Variants in SIPA1L3 observed in about 807,000 individuals in gnomAD.
SIPA1L3 encodes signal induced proliferation associated 1 like 3.
In SIPA1L3, 59 loss-of-function variants were observed where a neutral mutation model predicts 150.1. The observed-to-expected ratio is 0.39, with a 90% CI of 0.32 to 0.49. The LOEUF is 0.49. SIPA1L3 is among the 20% of genes least tolerant of loss of function. SIPA1L3 has a pLI of 0.86. For missense variants in SIPA1L3, 2,211 were observed against 2,489.5 expected, an observed-to-expected ratio of 0.89 and a Z score of 2.38; for synonymous variants, 1,070 against 1,077.6, an observed-to-expected ratio of 0.99 and a Z score of 0.14.
chr19:38,052,710 C>G (rs1969224614), intron 2 of SIPA1L3, among the ~76,000 whole-genome samples: 1 of 152,264 alleles, frequency 6.6e-6, no homozygotes, highest in Non-Finnish European at 1.5e-5. Flanking sequence ...AGGTAAGTCC[C>G]TTGGTTGCCA....
intron 1 of SIPA1L3, among the ~76,000 whole-genome samples, chr19:38,014,667 G>A (rs982096290): frequency 9.3e-5 from 8 of 86,416 alleles, no homozygotes; most frequent in Admixed American, 4.3e-4. Flanking sequence ...ATCCTCCCCC[G>A]GCTAATTTTT....
At chr19:38,067,053 G>T (rs1237716019) in intron 2 of SIPA1L3, among the ~76,000 whole-genome samples, 3 of 150,480 alleles carry the variant, frequency 2.0e-5, no homozygotes, top group Non-Finnish European at 4.4e-5. Context: ...CCTGGGCAAC[G>T]TAGCAAGACC....
At position 38,101,197 on chromosome 19, in the gene SIPA1L3, C is replaced by T. The variant is rs147598199; in HGVS notation, c.2000C>T (p.Thr667Ile). ...IGEKVCLKGFTKYAAQLDVKT... is the reference protein window; with the variant it reads ...IGEKVCLKGFIKYAAQLDVKT... Reference sequence around the variant, plus strand: ...GAGAAGGTCTGCCTGAAGGGCTTCACCAAGTACGCTGCCCAGCTGGACGTC... The same window carrying T: ...GAGAAGGTCTGCCTGAAGGGCTTCATCAAGTACGCTGCCCAGCTGGACGTC... Residue 667 changes from threonine to isoleucine, a missense_variant, in exon 6 of 22, where the codon ACC becomes ATC. Transcript: ENST00000222345. 442 of 1,594,832 alleles carry T rather than the reference C, an allele frequency of 2.8e-4. No homozygotes were observed. Among genetic ancestry groups the T allele is most frequent in the Non-Finnish European group, 2.1e-4 (248 of 1,171,428 alleles).
chr19:38,180,927 G>A (rs1972541249), intron 15 of SIPA1L3, among the ~76,000 whole-genome samples: 2 of 152,140 alleles, frequency 1.3e-5, no homozygotes, highest in Non-Finnish European at 2.9e-5. Flanking sequence ...TCTTGGATGT[G>A]TAAGGTTTTC....
intron 16 of SIPA1L3, chr19:38,185,863 TG>T (rs1017485494): frequency 3.3e-5 from 5 of 152,222 alleles, no homozygotes; most frequent in Non-Finnish European, 5.9e-5. Context: ...TTGGAGATGC[TG>T]GGGCTTAGGA....
intron 1 of SIPA1L3, among the ~76,000 whole-genome samples, chr19:37,919,727 T>TTTTTTTG (rs1782832192): frequency 6.8e-6 from 1 of 146,962 alleles, no homozygotes; most frequent in African/African-American, 2.5e-5. Flanking sequence ...TTTTTTTTTT[T>TTTTTTTG]GAGACAGAGT....
At position 38,181,016 on chromosome 19, in the gene SIPA1L3, T is replaced by C. The variant is rs10403809; in HGVS notation, c.4209-1503T>C. Among the ~76,000 whole-genome samples the C allele has an allele frequency of 8.8e-3, 1,337 of 152,344 alleles. 18 individuals carry two copies. The highest frequency in any genetic ancestry group is 0.03 in the African/African-American group (1,251 of 41,582). On this transcript the variant is annotated intron_variant, in intron 15 of 21. Transcript: ENST00000222345. The stretch of plus-strand genomic sequence containing the variant: ...TTCTCTCCTCTCCTTCCAAAGTTCC[T>C]GATGCACATATGTTGGTACCCTTGA...
At chr19:38,016,697 T>C (rs2145691900) in intron 1 of SIPA1L3, among the ~76,000 whole-genome samples, 1 of 152,168 alleles carries the variant, frequency 6.6e-6, no homozygotes, top group African/African-American at 2.4e-5. Context: ...TTCACCATGT[T>C]GGCCAGGCTG....
intron 1 of SIPA1L3, among the ~76,000 whole-genome samples, chr19:37,981,664 G>A (rs578177963): frequency 3.3e-4 from 50 of 152,166 alleles, no homozygotes; most frequent in Middle Eastern, 3.4e-3. Context: ...TGGTAGCAGC[G>A]TCGCCATCAT....
At chr19:38,008,217 CTTTTTTTTT>C (rs35422339) in intron 1 of SIPA1L3, among the ~76,000 whole-genome samples, 1 of 50,124 alleles carries the variant, frequency 2.0e-5, no homozygotes, top group Non-Finnish European at 3.6e-5. Flanking sequence ...CCATAGGCTG[CTTTTTTTTT>C]TTTTTTTTTT....
intron 1 of SIPA1L3, among the ~76,000 whole-genome samples, chr19:38,000,260 A>T (rs191629699): frequency 2.3e-4 from 35 of 152,140 alleles, no homozygotes; most frequent in Admixed American, 2.0e-3. Flanking sequence ...TGAGGTCAGG[A>T]GTTTGACACC....
chr19:37,950,318 T>A (rs143776493), intron 1 of SIPA1L3, among the ~76,000 whole-genome samples: 165 of 152,242 alleles, frequency 1.1e-3, no homozygotes, highest in Middle Eastern at 6.8e-3. Flanking sequence ...TTAGTTTTCA[T>A]CATCATCGTT....
chr19:37,998,691 G>A (rs897587291), intron 1 of SIPA1L3, among the ~76,000 whole-genome samples: 30 of 152,138 alleles, frequency 2.0e-4, no homozygotes, highest in African/African-American at 7.2e-4. Flanking sequence ...AGGAGGCTGA[G>A]GCAGGAGGAT....
rs367786975 is a variant in SIPA1L3, at chr19:38,082,293, G to A, written c.728G>A (p.Arg243Gln). The change falls in exon 3 of 22, where the codon CGG becomes CAG. Residue 243 changes from arginine (R) to glutamine (Q), a missense_variant. Physicochemically the swap from Arg to Gln is conservative, Grantham distance 43. Transcript: ENST00000222345. ...TGCCAGGCCCTCACCGAGCTCCTCC[G>A]GGCAGATCCTGGCCCACACCTCATG... is the stretch of plus-strand genomic sequence containing the variant. The part of the protein sequence containing the change: ...RGCQALTELL[R>Q]ADPGPHLMGG... 10 of 1,599,536 alleles carry A rather than the reference G, an allele frequency of 6.3e-6. No individual in the cohort carries two copies. The highest frequency in any genetic ancestry group is 2.2e-5 in the East Asian group (1 of 44,860).
At chr19:38,172,633 G>C (rs1306843749) in intron 15 of SIPA1L3, among the ~76,000 whole-genome samples, 2 of 152,204 alleles carry the variant, frequency 1.3e-5, no homozygotes, top group Non-Finnish European at 2.9e-5. Flanking sequence ...GAAATGGTCA[G>C]GTGGCCAGAG....
chr19:38,097,195 A>G (rs762806367), intron 4 of SIPA1L3, among the ~76,000 whole-genome samples: 28 of 152,092 alleles, frequency 1.8e-4, no homozygotes, highest in Non-Finnish European at 2.5e-4. Context: ...CAAAAAATAT[A>G]CAAAATTAGC....
At position 38,081,788 on chromosome 19, in the gene SIPA1L3, C is replaced by T; in HGVS notation, c.223C>T (p.Pro75Ser). 1.2e-6 allele frequency: 2 copies of T among 1,612,344 alleles called. No individual in the cohort carries two copies. Among genetic ancestry groups the T allele is most frequent in the Non-Finnish European group, 1.7e-6 (2 of 1,179,524 alleles). The change falls in exon 3 of 22, where the codon CCC (proline) becomes TCC (serine). Residue 75 changes from proline to serine, a missense_variant. Coordinates refer to ENST00000222345, the MANE Select transcript of SIPA1L3 (RefSeq NM_015073.3). ...CCCCAGCCCCACCACTCCCGCAATGCCCAAGATGGGCGTGCGCGCAAGGGT... is the reference window on the plus strand; with the variant it reads ...CCCCAGCCCCACCACTCCCGCAATGTCCAAGATGGGCGTGCGCGCAAGGGT... ...TRPSPTTPAM[P>S]KMGVRARVAD...
At chr19:37,918,924 T>A (rs1489287032) in intron 1 of SIPA1L3, among the ~76,000 whole-genome samples, 1 of 145,136 alleles carries the variant, frequency 6.9e-6, no homozygotes. Context: ...ATAAACAAAC[T>A]GCTGCTTTGG....
intron 2 of SIPA1L3, among the ~76,000 whole-genome samples, chr19:38,064,953 C>T (rs1407257288): frequency 1.3e-5 from 2 of 152,222 alleles, no homozygotes; most frequent in East Asian, 3.9e-4. Flanking sequence ...GCAGCCACCA[C>T]ACCAGGGAAG....
Sources: allele counts gnomAD v4.1 joint callset (sites outside exome capture counted in the v4.1 genomes callset), GRCh38; gene constraint gnomAD v4.1.1; transcripts MANE v1.5; gene names NCBI Gene and HGNC (gene_info 2026-07-23, HGNC 2026-07-21).